GABRG3: variants seen among roughly 807,000 people sequenced by gnomAD.
GABRG3 encodes the protein gamma-aminobutyric acid receptor subunit gamma-3.
GABRG3 carries 25 observed loss-of-function variants against 48.8 expected under a neutral mutation model. The observed-to-expected ratio is 0.51, with a 90% CI of 0.37 to 0.72. GABRG3 has a LOEUF of 0.72. GABRG3 is among the 30% of genes least tolerant of loss of function. The pLI is 0.00. For missense variants in GABRG3, 394 were observed against 577.9 expected (o/e 0.68, Z 3.26); for synonymous variants, 227 against 217.6 (o/e 1.04, Z -0.38).
intron 5 of GABRG3, among the ~76,000 whole-genome samples, chr15:27,466,267 T>A (rs1889607434): frequency 6.6e-6 from 1 of 152,200 alleles, no homozygotes; most frequent in Non-Finnish European, 1.5e-5. Context: ...ACAATGTCTC[T>A]TAATCTCTAG....
At chr15:27,144,346 T>C (rs1357234773) in intron 3 of GABRG3, among the ~76,000 whole-genome samples, 2 of 152,308 alleles carry the variant, frequency 1.3e-5, no homozygotes, top group Admixed American at 6.5e-5. Context: ...AGAGGCAGCA[T>C]GGGTTTGTAG....
At chr15:27,480,857 C>G (rs746581485) in intron 6 of GABRG3, 70 bp downstream of exon 6, 12 of 1,565,106 alleles carry the variant, frequency 7.7e-6, no homozygotes, top group Non-Finnish European at 1.0e-5. Flanking sequence ...TAGTCATATC[C>G]TTAATGTACA....
intron 5 of GABRG3, among the ~76,000 whole-genome samples, chr15:27,349,944 T>TC (rs1894501332): frequency 1.1e-5 from 1 of 91,184 alleles, no homozygotes; most frequent in South Asian, 5.1e-4. Flanking sequence ...TCTTTTTTTT[T>TC]TCTTCAGTGA....
intron 7 of GABRG3, among the ~76,000 whole-genome samples, chr15:27,521,065 C>G (rs1233586178): frequency 6.6e-6 from 1 of 151,868 alleles, no homozygotes; most frequent in African/African-American, 2.4e-5. Flanking sequence ...GTTATGGCTT[C>G]ATAGTTACAT....
At position 27,264,924 on chromosome 15, in the gene GABRG3, T is replaced by TA. The variant is rs780040541; in HGVS notation, c.271-61878dup. Among the ~76,000 whole-genome samples the TA allele has an allele frequency of 4.1e-4, 62 of 152,158 alleles. 1 individual carries two copies. The highest frequency in any genetic ancestry group is 9.8e-4 in the Admixed American group (15 of 15,270). ...TTATCTTTTATACCTTATAAAAATT[T>TA]AAAAAAACAAAAACAACCAACTTCT... On this transcript the variant is annotated intron_variant, in intron 3 of 9. Transcript: ENST00000615808.
intron 3 of GABRG3, among the ~76,000 whole-genome samples, chr15:27,100,510 A>G (rs1291985739): frequency 2.0e-5 from 3 of 152,202 alleles, no homozygotes; most frequent in East Asian, 3.9e-4. Context: ...CCAAAACCAG[A>G]TAAAGACAGC....
In GABRG3 at chr15:27,295,186, A is replaced by C. The variant is rs905085554; in HGVS notation, c.271-31623A>C. On this transcript the variant is annotated intron_variant, in intron 3 of 9. Transcript: ENST00000615808. ...AAAGTCACTGCTGGATTTTCACCCA[A>C]AGTGAGGCAGAGTAAGTTTTAAAAT... 2.0e-5 allele frequency: 3 copies of C among 152,172 alleles called. No individual in the cohort carries two copies. The East Asian group carries it at 5.8e-4, about 29-fold the overall frequency. The allele number at this position is 152,172 out of a possible 1,614,324, so 9.4% of individuals were successfully genotyped here.
At chr15:27,460,674 C>T (rs189604732) in intron 5 of GABRG3, among the ~76,000 whole-genome samples, 2 of 152,062 alleles carry the variant, frequency 1.3e-5, no homozygotes, top group Admixed American at 6.5e-5. Context: ...GATTTGTGAT[C>T]GGCTAAGGAA....
intron 3 of GABRG3, among the ~76,000 whole-genome samples, chr15:27,133,618 T>A (rs951643696): frequency 6.6e-6 from 1 of 152,264 alleles, no homozygotes; most frequent in African/African-American, 2.4e-5. Flanking sequence ...CTTCCAAGTA[T>A]TTAATTTGCT....
At chr15:27,519,034 C>T (rs1891095386) in intron 6 of GABRG3, among the ~76,000 whole-genome samples, 1 of 152,034 alleles carries the variant, frequency 6.6e-6, no homozygotes, top group African/African-American at 2.4e-5. Context: ...TTTTGGTTTC[C>T]TCTTTGAACA....
At chr15:27,512,952 G>C (rs974511872) in intron 6 of GABRG3, among the ~76,000 whole-genome samples, 34 of 152,158 alleles carry the variant, frequency 2.2e-4, no homozygotes, top group African/African-American at 7.0e-4. Flanking sequence ...TACAAATGCT[G>C]ATGGAGGACA....
intron 3 of GABRG3, among the ~76,000 whole-genome samples, chr15:27,049,596 C>G (rs1486622337): frequency 6.6e-6 from 1 of 152,200 alleles, no homozygotes. Flanking sequence ...CAAATGCTCC[C>G]TCCCAAGTAC....
chr15:27,405,850 T>TGGGG (rs374792398), intron 5 of GABRG3, among the ~76,000 whole-genome samples: 4 of 150,876 alleles, frequency 2.7e-5, no homozygotes, highest in African/African-American at 9.9e-5. Flanking sequence ...ATTCTAGGAC[T>TGGGG]GGGGGAGGGA....
intron 5 of GABRG3, among the ~76,000 whole-genome samples, chr15:27,369,886 C>T (rs1895348573): frequency 6.7e-6 from 1 of 149,954 alleles, no homozygotes; most frequent in African/African-American, 2.5e-5. Flanking sequence ...GGACCCAGAT[C>T]TCCACCGTCC....
At chr15:27,305,265 A>G (rs988543501) in intron 3 of GABRG3, among the ~76,000 whole-genome samples, 2 of 151,664 alleles carry the variant, frequency 1.3e-5, no homozygotes, top group African/African-American at 4.8e-5. Flanking sequence ...TTAAAACATC[A>G]TTTAAAATAA....
intron 2 of GABRG3, among the ~76,000 whole-genome samples, chr15:26,985,954 A>G (rs28667851): frequency 0.46 from 70,051 of 151,876 alleles, 16,957 homozygotes; most frequent in Middle Eastern, 0.57. Flanking sequence ...GTAGAGTGTG[A>G]GATATTTTGG....
intron 6 of GABRG3, among the ~76,000 whole-genome samples, chr15:27,494,418 G>A (rs2150850928): frequency 6.6e-6 from 1 of 152,150 alleles, no homozygotes. Flanking sequence ...TGTAGAATTG[G>A]TGTTAATTCT....
intron 3 of GABRG3, among the ~76,000 whole-genome samples, chr15:27,125,778 T>C (rs1265966357): frequency 1.3e-5 from 2 of 152,258 alleles, no homozygotes; most frequent in Admixed American, 6.5e-5. Context: ...ACAGCAGCCA[T>C]GCGCCACATA....
intron 3 of GABRG3, among the ~76,000 whole-genome samples, chr15:27,151,625 G>A (rs1376554456): frequency 6.6e-6 from 1 of 152,120 alleles, no homozygotes; most frequent in Non-Finnish European, 1.5e-5. Flanking sequence ...GTATCACAAG[G>A]ATCTTTATCA....
Sources: allele counts gnomAD v4.1 joint callset (sites outside exome capture counted in the v4.1 genomes callset), GRCh38; gene constraint gnomAD v4.1.1; transcripts MANE v1.5; gene names NCBI Gene and HGNC (gene_info 2026-07-23, HGNC 2026-07-21).